ZSWIM3: variants seen among roughly 807,000 people sequenced by gnomAD.
The protein encoded by ZSWIM3 is zinc finger SWIM-type containing 3, also known as zinc finger SWIM domain-containing protein 3.
ZSWIM3 carries 27 observed loss-of-function variants against 47.5 expected under a neutral mutation model. The ratio of observed to expected loss-of-function variants is 0.57; its 90% CI spans 0.42 to 0.78. ZSWIM3 has a LOEUF of 0.78. ZSWIM3 is among the 30% of genes least tolerant of loss of function. The probability of loss-of-function intolerance (pLI) is 0.00; values close to 1 mark genes in which losing one functional copy is unlikely to be tolerated. For synonymous variants in ZSWIM3, 333 were observed against 333.9 expected (o/e 1.00, Z 0.03); for missense variants, 689 against 861.3 (o/e 0.80, Z 2.50).
intron 1 of ZSWIM3, among the ~76,000 whole-genome samples, chr20:45,867,853 G>A (rs1279459308): frequency 6.6e-6 from 1 of 152,050 alleles, no homozygotes; most frequent in East Asian, 1.9e-4. Context: ...CACTTTGTTG[G>A]AGCTCATTCC....
At position 45,872,087 on chromosome 20, in the gene ZSWIM3, A is replaced by C. The variant is rs147004383; in HGVS notation, c.156-4627A>C. 2.6e-5 allele frequency among the ~76,000 whole-genome samples: 4 copies of C among 152,338 alleles called. No homozygotes were observed. The East Asian group carries it at 7.7e-4, about 29-fold the overall frequency. On this transcript the variant is annotated intron_variant, in intron 1 of 1. Coordinates refer to ENST00000255152, the MANE Select transcript of ZSWIM3 (RefSeq NM_080752.4). ...TCTTAGCTGGAGGATTAAATCCCAG[A>C]TTCTCATCCTTGAGAACCTCTTTAA...
At chr20:45,873,571 G>A (rs1464034225) in intron 1 of ZSWIM3, among the ~76,000 whole-genome samples, 2 of 152,180 alleles carry the variant, frequency 1.3e-5, no homozygotes, top group Non-Finnish European at 2.9e-5. Context: ...TAGCTAACTT[G>A]TATTTAGGGT....
chr20:45,872,998 T>A (rs1986009173), intron 1 of ZSWIM3, among the ~76,000 whole-genome samples: 2 of 152,050 alleles, frequency 1.3e-5, no homozygotes, highest in African/African-American at 4.8e-5. Flanking sequence ...GGGGTGAGAT[T>A]TTTTTCCCTT....
chr20:45,865,090 G>A (rs1423367152), intron 1 of ZSWIM3, among the ~76,000 whole-genome samples: 2 of 151,980 alleles, frequency 1.3e-5, no homozygotes, highest in Non-Finnish European at 2.9e-5. Flanking sequence ...AGGCCGAGGC[G>A]GGCGGATCAC....
At position 45,857,903 on chromosome 20, in the gene ZSWIM3, C is replaced by G. The variant is rs370973418; in HGVS notation, c.78C>G (p.Cys26Trp). The change falls in exon 1 of 2, where the codon TGC becomes TGG. Residue 26 changes from cysteine (C) to tryptophan (W), a missense_variant. Cys to Trp is a radical substitution (Grantham distance 215, BLOSUM62 -2). Coordinates refer to ENST00000255152, the MANE Select transcript of ZSWIM3 (RefSeq NM_080752.4). ...GCGCCTACAAAAGGGAGAACAGGTGCTCCTTCATTCTCAGGGACTGCGTCT... is the reference window on the plus strand; with the variant it reads ...GCGCCTACAAAAGGGAGAACAGGTGGTCCTTCATTCTCAGGGACTGCGTCT... ...CFSAYKRENR[C>W]SFILRDCVSV... is the part of the protein sequence containing the mutation. The G allele has an allele frequency of 2.0e-5, 33 of 1,613,480 alleles. No homozygotes were observed. Among genetic ancestry groups the G allele is most frequent in the Non-Finnish European group, 2.7e-5 (32 of 1,179,862 alleles).
chr20:45,864,617 C>G (rs538260252), intron 1 of ZSWIM3, among the ~76,000 whole-genome samples: 1 of 152,336 alleles, frequency 6.6e-6, no homozygotes, highest in South Asian at 2.1e-4. Context: ...AATCCCAACA[C>G]TTTGGGAGGT....
chr20:45,863,394 G>T (rs80240931), intron 1 of ZSWIM3, among the ~76,000 whole-genome samples: 8,561 of 152,212 alleles, frequency 0.056, 284 homozygotes, highest in South Asian at 0.13. Context: ...AGGGGTGATG[G>T]TGACACTTAT....
At chr20:45,860,789 T>G (rs1268759442) in intron 1 of ZSWIM3, among the ~76,000 whole-genome samples, 2 of 152,202 alleles carry the variant, frequency 1.3e-5, no homozygotes, top group Non-Finnish European at 2.9e-5. Context: ...GATAGCCACC[T>G]TAATTCTATC....
intron 1 of ZSWIM3, among the ~76,000 whole-genome samples, chr20:45,870,111 A>G (rs1358540576): frequency 1.3e-5 from 2 of 151,740 alleles, no homozygotes; most frequent in Non-Finnish European, 2.9e-5. Flanking sequence ...TGGGAGGCTA[A>G]GGCAGGCAGA....
At chr20:45,863,953 G>T (rs1393683243) in intron 1 of ZSWIM3, among the ~76,000 whole-genome samples, 1 of 152,190 alleles carries the variant, frequency 6.6e-6, no homozygotes, top group African/African-American at 2.4e-5. Flanking sequence ...AGCTGAGATG[G>T]CACCACTGCA....
At chr20:45,858,975 A>G (rs1985627855) in intron 1 of ZSWIM3, among the ~76,000 whole-genome samples, 1 of 152,186 alleles carries the variant, frequency 6.6e-6, no homozygotes. Context: ...TGAAATAGCA[A>G]CCAACACCAG....
chr20:45,861,426 TAAAAA>T (rs11475720), intron 1 of ZSWIM3, among the ~76,000 whole-genome samples: 14 of 134,770 alleles, frequency 1.0e-4, no homozygotes, highest in Non-Finnish European at 1.6e-4. Flanking sequence ...ATCCTGTCTC[TAAAAA>T]AAAAAAAAAA....
Position 45,877,383 on chromosome 20 carries a change from T to C in ZSWIM3, c.825T>C (p.Asp275=), listed in dbSNP as rs1241796248. 3 of 1,614,188 alleles carry C rather than the reference T, an allele frequency of 1.9e-6. No individual in the cohort carries two copies. Among genetic ancestry groups the C allele is most frequent in the East Asian group, 2.2e-5 (1 of 44,886 alleles). The change falls in exon 2 of 2, where the codon GAT becomes GAC. Residue 275 remains aspartate (D), a synonymous_variant. Transcript: ENST00000255152. ...MLSIFTEFNS[D]WPKVKVVFVD... ...GCATCTTCACAGAGTTCAACTCCGATTGGCCCAAGGTCAAGGTGGTCTTTG... is the reference window on the plus strand; with the variant it reads ...GCATCTTCACAGAGTTCAACTCCGACTGGCCCAAGGTCAAGGTGGTCTTTG...
chr20:45,857,744 C>A lies in ZSWIM3; in HGVS notation c.-82C>A, dbSNP rs1472038419. 2 of 1,525,004 alleles carry A rather than the reference C, an allele frequency of 1.3e-6. No individual in the cohort carries two copies. The highest frequency in any genetic ancestry group is 2.8e-5 in the African/African-American group (2 of 72,276). 94.5% of individuals were successfully genotyped at this position (1,525,004 alleles called of 1,614,324 possible). ...TCTGGGCCCACGCCTGCCTATAAAC[C>A]CTCATAGTGTGACCTTTGACCCCTG... On this transcript the variant is annotated 5_prime_UTR_variant, in exon 1 of 2. Coordinates refer to ENST00000255152, the MANE Select transcript of ZSWIM3 (RefSeq NM_080752.4).
chr20:45,857,642 T>C lies in ZSWIM3; in HGVS notation c.-184T>C, dbSNP rs1414233225. 1 of 743,734 alleles carries C rather than the reference T, an allele frequency of 1.3e-6. No homozygotes were observed. The highest frequency in any genetic ancestry group is 2.2e-6 in the Non-Finnish European group (1 of 445,448). The allele number at this position is 743,734 out of a possible 1,614,324, so 46.1% of individuals were successfully genotyped here. On this transcript the variant is annotated 5_prime_UTR_variant, in exon 1 of 2. Transcript: ENST00000255152. ...AGATAGCAAATACACCCCCTTCCTC[T>C]TGTAACCCGGTCAGGCCTAGGGTTC...
chr20:45,862,806 T>C (rs528518344), intron 1 of ZSWIM3, among the ~76,000 whole-genome samples: 1 of 152,246 alleles, frequency 6.6e-6, no homozygotes, highest in South Asian at 2.1e-4. Flanking sequence ...TATTTATTTA[T>C]TTTTATTTTT....
At chr20:45,873,316 G>A (rs958949364) in intron 1 of ZSWIM3, among the ~76,000 whole-genome samples, 2 of 152,050 alleles carry the variant, frequency 1.3e-5, no homozygotes, top group Non-Finnish European at 2.9e-5. Context: ...CAGGAGAATC[G>A]CTTGAACTCA....
chr20:45,859,805 A>C (rs541403206), intron 1 of ZSWIM3, among the ~76,000 whole-genome samples: 1 of 148,956 alleles, frequency 6.7e-6, no homozygotes, highest in Admixed American at 6.9e-5. Context: ...AAAAAAAAAA[A>C]AAAAAAAAAA....
At position 45,876,889 on chromosome 20, in the gene ZSWIM3, G is replaced by C; in HGVS notation, c.331G>C (p.Gly111Arg). 1 of 1,614,138 alleles carries C rather than the reference G, an allele frequency of 6.2e-7. No individual in the cohort carries two copies. The change falls in exon 2 of 2, where the codon GGA becomes CGA. Residue 111 changes from glycine (G) to arginine (R), a missense_variant. Transcript: ENST00000255152. ...IHGDSKVASP[G>R]GDTTGKSQKT... ...TGGTGACTCTAAAGTGGCTAGTCCT[G>C]GAGGAGACACCACTGGCAAATCTCA...
Sources: gnomAD v4.1 joint callset for allele counts (sites outside exome capture counted in the v4.1 genomes callset) on GRCh38, gnomAD v4.1.1 for gene constraint, MANE v1.5 for transcripts, NCBI Gene and HGNC (gene_info 2026-07-23, HGNC 2026-07-21) for gene names.